The following ASPRV1 variants were observed in gnomAD, a reference collection of about 807,000 sequenced individuals.
The protein encoded by ASPRV1 is retroviral-like aspartic protease 1.
ASPRV1 carries 7 observed loss-of-function variants against 11.0 expected under a neutral mutation model. The observed-to-expected ratio is 0.64, with a 90% CI of 0.36 to 1.20. The LOEUF (loss-of-function observed/expected upper bound fraction) is 1.20, where lower values mean the gene tolerates loss of function less well. Ranked by LOEUF, ASPRV1 falls within the 50% of genes most tolerant of loss-of-function variation. The pLI is 0.02. For synonymous variants in ASPRV1, 136 were observed against 138.4 expected, an observed-to-expected ratio of 0.98 and a Z score of 0.12; for missense variants, 299 against 320.0, an observed-to-expected ratio of 0.93 and a Z score of 0.50.
the ASPRV1 span, among the ~76,000 whole-genome samples, chr2:70,074,149 A>C: frequency 2.0e-5 from 3 of 149,968 alleles, no homozygotes; most frequent in South Asian, 2.1e-4. Context: ...AAAAAAAAAA[A>C]AAAAAAAAAA....
At chr2:70,042,352 T>C in the ASPRV1 span, among the ~76,000 whole-genome samples, 26 of 152,046 alleles carry the variant, frequency 1.7e-4, no homozygotes, top group Non-Finnish European at 2.2e-4. Context: ...GGGAGATCTG[T>C]GCATGGACAG....
the ASPRV1 span, among the ~76,000 whole-genome samples, chr2:70,034,262 C>T: frequency 1.3e-5 from 2 of 151,122 alleles, no homozygotes; most frequent in Non-Finnish European, 2.9e-5. Context: ...CTCTTGTTGC[C>T]CAGGCTGGAG....
chr2:69,994,707 A>C, the ASPRV1 span, among the ~76,000 whole-genome samples: 1 of 152,152 alleles, frequency 6.6e-6, no homozygotes, highest in Non-Finnish European at 1.5e-5. Context: ...TAAAAAAATA[A>C]ACAGAATAGG....
rs534439179 is a variant in ASPRV1, at chr2:69,961,593, C to T, written c.-157G>A. 68 of 1,612,768 alleles carry T rather than the reference C, an allele frequency of 4.2e-5. No individual in the cohort carries two copies. Among genetic ancestry groups the T allele is most frequent in the South Asian group, 3.2e-4 (29 of 90,960 alleles). On this transcript the variant is annotated 5_prime_UTR_variant, in exon 1 of 1. Coordinates refer to ENST00000320256, the MANE Select transcript of ASPRV1 (RefSeq NM_152792.4). ...GCAAGCAGGAGGGAGCAGGCGCGGT[C>T]GGCTGGCTGACTGCTGGGGCAGAGG...
chr2:70,033,543 T>C, the ASPRV1 span, among the ~76,000 whole-genome samples: 1 of 152,098 alleles, frequency 6.6e-6, no homozygotes, highest in African/African-American at 2.4e-5. Context: ...GAGTCACCCA[T>C]AGTATGAACC....
the ASPRV1 span, among the ~76,000 whole-genome samples, chr2:70,027,258 T>TC: frequency 1.8e-4 from 7 of 37,954 alleles, no homozygotes; most frequent in East Asian, 4.1e-3. Flanking sequence ...ACCCTGTCTC[T>TC]CAAAAAAAAA....
At chr2:69,956,436 A>AAGAAGAG (rs1677937557), downstream of ASPRV1, among the ~76,000 whole-genome samples, 1 of 148,942 alleles carries the variant, frequency 6.7e-6, no homozygotes, top group Non-Finnish European at 1.5e-5. Context: ...AGAAAGAAGA[A>AAGAAGAG]GGAGAAGGAG....
chr2:69,973,909 T>C, the ASPRV1 span, among the ~76,000 whole-genome samples: 1 of 152,224 alleles, frequency 6.6e-6, no homozygotes, highest in East Asian at 1.9e-4. Flanking sequence ...ATATTCCCAC[T>C]GTGGCTGATT....
the ASPRV1 span, among the ~76,000 whole-genome samples, chr2:69,983,916 G>C: frequency 6.6e-6 from 1 of 152,178 alleles, no homozygotes; most frequent in Non-Finnish European, 1.5e-5. Context: ...GTCACACAAG[G>C]AGACTAGCAC....
At chr2:69,970,998 C>T in the ASPRV1 span, 1 of 152,166 alleles carries the variant, frequency 6.6e-6, no homozygotes, top group African/African-American at 2.4e-5. Flanking sequence ...GAAACCCTGT[C>T]TCTACTAAAA....
At chr2:70,071,943 A>C in the ASPRV1 span, among the ~76,000 whole-genome samples, 2 of 150,750 alleles carry the variant, frequency 1.3e-5, no homozygotes, top group Non-Finnish European at 2.9e-5. Context: ...GTCTCTACAA[A>C]AATTTTTCTT....
the ASPRV1 span, chr2:70,016,439 C>CT: frequency 1.3e-5 from 2 of 151,188 alleles, no homozygotes; most frequent in Non-Finnish European, 2.9e-5. Context: ...CTTTAAAAGA[C>CT]TGAGACAGGA....
the ASPRV1 span, among the ~76,000 whole-genome samples, chr2:70,009,329 T>TATTTATTTATTC: frequency 6.6e-6 from 1 of 151,602 alleles, no homozygotes; most frequent in East Asian, 1.9e-4. Context: ...TTTATTTATT[T>TATTTATTTATTC]ATTTATTTAT....
chr2:70,005,925 G>A, the ASPRV1 span, among the ~76,000 whole-genome samples: 4 of 152,200 alleles, frequency 2.6e-5, no homozygotes, highest in South Asian at 8.3e-4. Context: ...AGCCATGGGG[G>A]AGAGCCATGT....
chr2:70,078,256 C>T, the ASPRV1 span, among the ~76,000 whole-genome samples: 1 of 152,284 alleles, frequency 6.6e-6, no homozygotes, highest in Non-Finnish European at 1.5e-5. Flanking sequence ...AAAGTCCTAA[C>T]CATCATGAAA....
chr2:70,022,552 T>C, the ASPRV1 span, among the ~76,000 whole-genome samples: 3 of 151,768 alleles, frequency 2.0e-5, no homozygotes, highest in African/African-American at 2.4e-5. Context: ...AGTGGGGGCA[T>C]GGTGGCACAT....
the ASPRV1 span, chr2:69,968,554 C>T: frequency 6.6e-6 from 1 of 152,014 alleles, no homozygotes; most frequent in Admixed American, 6.6e-5. Flanking sequence ...AAAAACTGGT[C>T]CATAAAATAA....
chr2:69,934,810 T>C, the ASPRV1 span, among the ~76,000 whole-genome samples: 3 of 152,244 alleles, frequency 2.0e-5, no homozygotes, highest in African/African-American at 7.2e-5. Flanking sequence ...ACGGTGTGGA[T>C]GTAGCATAAT....
At chr2:70,023,063 G>C in the ASPRV1 span, among the ~76,000 whole-genome samples, 1 of 152,250 alleles carries the variant, frequency 6.6e-6, no homozygotes, top group African/African-American at 2.4e-5. Flanking sequence ...AGATAAGCCA[G>C]AAAGCACAAT....
Sources: gnomAD v4.1 joint callset for allele counts (sites outside exome capture counted in the v4.1 genomes callset) on GRCh38, gnomAD v4.1.1 for gene constraint, MANE v1.5 for transcripts, NCBI Gene and HGNC (gene_info 2026-07-23, HGNC 2026-07-21) for gene names.